L2HGDH: variants seen among roughly 807,000 people sequenced by gnomAD.
L2HGDH encodes the protein L-2-hydroxyglutarate dehydrogenase, mitochondrial.
Under a neutral mutation model 51.5 loss-of-function variants are expected in L2HGDH, and 34 were observed. That is an observed-to-expected ratio of 0.66 (90% CI 0.50 to 0.88). The LOEUF is 0.88. L2HGDH is among the 40% of genes least tolerant of loss of function. The probability of loss-of-function intolerance (pLI) is 0.00; values close to 1 mark genes in which losing one functional copy is unlikely to be tolerated. For missense variants in L2HGDH, 558 were observed against 571.9 expected (o/e 0.98, Z 0.25); for synonymous variants, 198 against 197.9 (o/e 1.00, Z -0.01).
In L2HGDH at chr14:50,261,100, C is replaced by CT. The variant is rs1279887915; in HGVS notation, c.1196+4257dup. 2.0e-5 allele frequency among the ~76,000 whole-genome samples: 3 copies of CT among 151,672 alleles called. No homozygotes were observed. In the East Asian group the frequency reaches 5.8e-4, roughly 29 times the overall value. The stretch of plus-strand genomic sequence containing the variant: ...CCACTGCACTACAGCCCAGGTAACA[C>CT]TGTGAGACTCCGTCTAAAAAAAAAA... On this transcript the variant is annotated intron_variant, in intron 9 of 9. Transcript: ENST00000267436.
At chr14:50,309,153 T>C (rs1010770713) in intron 1 of L2HGDH, among the ~76,000 whole-genome samples, 16 of 152,262 alleles carry the variant, frequency 1.1e-4, no homozygotes, top group Non-Finnish European at 1.8e-4. Context: ...GTTTTTCATT[T>C]TGATGAAGTC....
At chr14:50,308,694 TG>T (rs1165967051) in intron 1 of L2HGDH, among the ~76,000 whole-genome samples, 1 of 152,230 alleles carries the variant, frequency 6.6e-6, no homozygotes, top group Non-Finnish European at 1.5e-5. Flanking sequence ...GAAAAGAGTA[TG>T]GCAGTTTCTT....
At chr14:50,304,520 C>T (rs1000073329) in intron 1 of L2HGDH, among the ~76,000 whole-genome samples, 5 of 152,146 alleles carry the variant, frequency 3.3e-5, no homozygotes, top group African/African-American at 1.2e-4. Context: ...TTTGCCATGG[C>T]AAATCCTGAT....
intron 7 of L2HGDH, among the ~76,000 whole-genome samples, chr14:50,268,397 A>AG (rs1260784021): frequency 7.1e-4 from 107 of 151,634 alleles, no homozygotes; most frequent in African/African-American, 2.5e-3. Flanking sequence ...AAAAAAAAAA[A>AG]AAAAGAAACT....
intron 5 of L2HGDH, among the ~76,000 whole-genome samples, chr14:50,280,531 TCA>T (rs1472354864): frequency 6.6e-6 from 1 of 152,178 alleles, no homozygotes; most frequent in African/African-American, 2.4e-5. Context: ...CCTGTACTCT[TCA>T]CATAGACACC....
intron 6 of L2HGDH, among the ~76,000 whole-genome samples, chr14:50,271,010 G>A (rs962758856): frequency 1.3e-5 from 2 of 152,006 alleles, no homozygotes; most frequent in Non-Finnish European, 2.9e-5. Flanking sequence ...AGTCAAAAGG[G>A]CTGTCAAGAT....
intron 7 of L2HGDH, 135 bp from the exon 8 acceptor site, chr14:50,268,045 T>C: frequency 1.1e-6 from 1 of 893,168 alleles, no homozygotes. Context: ...TCAGATATAC[T>C]TTTCCATTAA....
At position 50,286,994 on chromosome 14, in the gene L2HGDH, A is replaced by C. The variant is rs559987703; in HGVS notation, c.541-2961T>G. On this transcript the variant is annotated intron_variant, in intron 4 of 9. Transcript: ENST00000267436. ...ACATAGTGTGTGGCACATAGTAATC[A>C]AAAAACCTTTGGTTGAACCAAACAG... is the stretch of plus-strand genomic sequence containing the variant. Among the ~76,000 whole-genome samples, 95 of 152,346 alleles carry C rather than the reference A, an allele frequency of 6.2e-4. No homozygotes were observed. The Middle Eastern group carries it at 0.017, about 27-fold the overall frequency.
intron 6 of L2HGDH, among the ~76,000 whole-genome samples, chr14:50,270,640 G>A (rs1383179045): frequency 6.6e-6 from 1 of 152,056 alleles, no homozygotes; most frequent in Non-Finnish European, 1.5e-5. Context: ...CCGAGTAGCC[G>A]GAACTACAGG....
At chr14:50,263,363 A>C (rs1889147008) in intron 9 of L2HGDH, among the ~76,000 whole-genome samples, 1 of 152,240 alleles carries the variant, frequency 6.6e-6, no homozygotes, top group South Asian at 2.1e-4. Context: ...GAGGAGTGAA[A>C]GAGATAAGAG....
chr14:50,257,865 C>T (rs1298398082), intron 9 of L2HGDH, among the ~76,000 whole-genome samples: 1 of 149,872 alleles, frequency 6.7e-6, no homozygotes, highest in Non-Finnish European at 1.5e-5. Flanking sequence ...AAGTCTAATT[C>T]TGCCACTTAT....
At chr14:50,297,700 T>C (rs1217030461) in intron 3 of L2HGDH, among the ~76,000 whole-genome samples, 3 of 152,154 alleles carry the variant, frequency 2.0e-5, no homozygotes, top group African/African-American at 7.2e-5. Context: ...TTTTTTTAAA[T>C]GAAATTATAT....
At chr14:50,272,120 AAC>A (rs1486570451) in intron 6 of L2HGDH, among the ~76,000 whole-genome samples, 9 of 152,366 alleles carry the variant, frequency 5.9e-5, no homozygotes, top group African/African-American at 2.2e-4. Flanking sequence ...CAGCCTGGGT[AAC>A]AGAGTGAGAC....
intron 9 of L2HGDH, among the ~76,000 whole-genome samples, chr14:50,258,201 A>G (rs1888792340): frequency 6.6e-6 from 1 of 151,844 alleles, no homozygotes; most frequent in Non-Finnish European, 1.5e-5. Flanking sequence ...ATCCAACACC[A>G]ATGTCTCTCC....
At position 50,245,449 on chromosome 14, in the gene L2HGDH, T is replaced by A; in HGVS notation, c.*1609A>T. On this transcript the variant is annotated 3_prime_UTR_variant, in exon 10 of 10. Transcript: ENST00000267436. The stretch of plus-strand genomic sequence containing the variant: ...CATGATGATACCATACCACATCAGT[T>A]ACAAAGAGACTGGAAATAATAAAGG... 2.0e-6 allele frequency: 2 copies of A among 984,632 alleles called. No individual in the cohort carries two copies. The highest frequency in any genetic ancestry group is 9.4e-5 in the South Asian group (2 of 21,274). 61.0% of individuals were successfully genotyped at this position (984,632 alleles called of 1,614,324 possible). A position where few individuals can be genotyped will look rare whatever the true frequency, so the allele number is the denominator to read the frequency against.
chr14:50,301,916 T>C (rs1166506833), intron 3 of L2HGDH, 101 bp downstream of exon 3: 6 of 1,199,508 alleles, frequency 5.0e-6, no homozygotes, highest in East Asian at 2.6e-5. Context: ...AAAAATTACA[T>C]AGATACAAAG....
chr14:50,248,726 T>C (rs552646073), intron 9 of L2HGDH, among the ~76,000 whole-genome samples: 1 of 152,266 alleles, frequency 6.6e-6, no homozygotes, highest in African/African-American at 2.4e-5. Flanking sequence ...GAATCAGATA[T>C]GGGAGTGAGT....
chr14:50,296,042 T>C (rs2030024706), intron 3 of L2HGDH, among the ~76,000 whole-genome samples: 1 of 151,770 alleles, frequency 6.6e-6, no homozygotes, highest in African/African-American at 2.4e-5. Context: ...CCCAGCCTCA[T>C]AGCAACTTTA....
At position 50,242,741 on chromosome 14, in the gene L2HGDH, A is replaced by G; in HGVS notation, c.*4317T>C. The G allele has an allele frequency of 1.0e-6, 1 of 985,464 alleles. No homozygotes were observed. The highest frequency in any genetic ancestry group is 4.7e-5 in the South Asian group (1 of 21,294). 61.0% of individuals were successfully genotyped at this position (985,464 alleles called of 1,614,324 possible). A position where few individuals can be genotyped will look rare whatever the true frequency, so the allele number is the denominator to read the frequency against. ...TTCAAAAACTCCCTTTGAGTGTGTT[A>G]GAAAAGCTTAGAAACTGACTTTACG... On this transcript the variant is annotated 3_prime_UTR_variant, in exon 10 of 10. Coordinates refer to ENST00000267436, the MANE Select transcript of L2HGDH (RefSeq NM_024884.3).
Sources: allele counts gnomAD v4.1 joint callset (sites outside exome capture counted in the v4.1 genomes callset), GRCh38; gene constraint gnomAD v4.1.1; transcripts MANE v1.5; gene names NCBI Gene and HGNC (gene_info 2026-07-23, HGNC 2026-07-21).